The following CHCHD6 variants were observed in gnomAD, a reference collection of about 807,000 sequenced individuals.
CHCHD6 encodes coiled-coil-helix-coiled-coil-helix domain containing 6.
CHCHD6 carries 28 observed loss-of-function variants against 32.3 expected under a neutral mutation model. That is an observed-to-expected ratio of 0.87 (90% CI 0.64 to 1.19). The LOEUF is 1.19. Ranked by LOEUF, CHCHD6 falls within the 50% of genes most tolerant of loss-of-function variation. The probability of loss-of-function intolerance (pLI) is 0.00; values close to 1 mark genes in which losing one functional copy is unlikely to be tolerated. For synonymous variants in CHCHD6, 122 were observed against 117.5 expected, an observed-to-expected ratio of 1.04 and a Z score of -0.25; for missense variants, 333 against 307.0, an observed-to-expected ratio of 1.08 and a Z score of -0.63.
At chr3:126,913,207 C>CTTTTTTTTTTTTTTTTTTT (rs546179022) in intron 5 of CHCHD6, among the ~76,000 whole-genome samples, 2 of 33,786 alleles carry the variant, frequency 5.9e-5, no homozygotes, top group African/African-American at 1.3e-4. Context: ...CCGTATGAGC[C>CTTTTTTTTTTTTTTTTTTT]TTTTTTTTTT....
At chr3:126,806,154 G>GT (rs1232588811) in intron 4 of CHCHD6, among the ~76,000 whole-genome samples, 1 of 152,034 alleles carries the variant, frequency 6.6e-6, no homozygotes, top group East Asian at 1.9e-4. Flanking sequence ...AGGACTTCAT[G>GT]TCTAAAACAC....
chr3:126,931,978 G>A (rs755446203), intron 6 of CHCHD6, among the ~76,000 whole-genome samples: 7 of 152,184 alleles, frequency 4.6e-5, no homozygotes, highest in Non-Finnish European at 1.0e-4. Flanking sequence ...GGCTGGAAGC[G>A]GCAGAGCCAG....
intron 4 of CHCHD6, among the ~76,000 whole-genome samples, chr3:126,788,182 AT>A (rs1938325134): frequency 6.6e-6 from 1 of 152,130 alleles, no homozygotes; most frequent in African/African-American, 2.4e-5. Flanking sequence ...AGCCCACTTG[AT>A]CATGGTGGAT....
intron 5 of CHCHD6, among the ~76,000 whole-genome samples, chr3:126,869,871 A>G (rs998709792): frequency 1.3e-5 from 2 of 152,186 alleles, no homozygotes; most frequent in Non-Finnish European, 2.9e-5. Flanking sequence ...GTACTTATTT[A>G]TTACCAATTA....
intron 6 of CHCHD6, 112 bp downstream of exon 6, chr3:126,914,862 A>C: frequency 1.4e-6 from 1 of 702,408 alleles, no homozygotes; most frequent in Non-Finnish European, 2.6e-6. Context: ...CTAATAATAC[A>C]CACAACCATC....
chr3:126,763,865 T>C (rs931450341), intron 4 of CHCHD6, among the ~76,000 whole-genome samples: 8 of 152,288 alleles, frequency 5.3e-5, no homozygotes, highest in African/African-American at 1.7e-4. Context: ...TGTGGGATGA[T>C]GCAAAAGTTT....
intron 4 of CHCHD6, among the ~76,000 whole-genome samples, chr3:126,850,365 A>G (rs915416998): frequency 5.3e-5 from 8 of 152,246 alleles, no homozygotes; most frequent in African/African-American, 1.9e-4. Flanking sequence ...GTAGGCCTTG[A>G]TGTCCTCAAC....
At chr3:126,946,771 T>C (rs2107605709) in intron 6 of CHCHD6, among the ~76,000 whole-genome samples, 1 of 152,342 alleles carries the variant, frequency 6.6e-6, no homozygotes, top group African/African-American at 2.4e-5. Context: ...AGATTGGACC[T>C]GACCAAGATG....
chr3:126,932,186 C>T (rs905668726), intron 6 of CHCHD6, among the ~76,000 whole-genome samples: 2 of 152,216 alleles, frequency 1.3e-5, no homozygotes, highest in African/African-American at 4.8e-5. Flanking sequence ...CCCGTAGCAC[C>T]TCTCGGTAGC....
intron 4 of CHCHD6, among the ~76,000 whole-genome samples, chr3:126,781,008 T>G (rs918933845): frequency 6.6e-6 from 1 of 152,108 alleles, no homozygotes; most frequent in South Asian, 2.1e-4. Flanking sequence ...ACATGTCTCA[T>G]TGGCTGGAGC....
At chr3:126,737,392 A>G (rs868833879) in intron 4 of CHCHD6, among the ~76,000 whole-genome samples, 36 of 102,942 alleles carry the variant, frequency 3.5e-4, no homozygotes, top group Admixed American at 1.0e-3. Flanking sequence ...ATGTGTGAGT[A>G]TATATATATA....
intron 6 of CHCHD6, among the ~76,000 whole-genome samples, chr3:126,930,313 C>T (rs1185852170): frequency 1.3e-5 from 2 of 152,212 alleles, no homozygotes; most frequent in Non-Finnish European, 2.9e-5. Flanking sequence ...TTGAAAATCC[C>T]GACATTGAAG....
chr3:126,780,858 A>G (rs1048255611), intron 4 of CHCHD6, among the ~76,000 whole-genome samples: 4 of 152,178 alleles, frequency 2.6e-5, no homozygotes, highest in African/African-American at 9.7e-5. Context: ...ACGAATGCTG[A>G]TATAGTGTGC....
At chr3:126,885,310 G>A (rs2077664439) in intron 5 of CHCHD6, among the ~76,000 whole-genome samples, 1 of 152,176 alleles carries the variant, frequency 6.6e-6, no homozygotes, top group Non-Finnish European at 1.5e-5. Flanking sequence ...TCAGAGTTGT[G>A]ACTTTCAGAT....
intron 5 of CHCHD6, among the ~76,000 whole-genome samples, chr3:126,898,523 G>GTTAGT (rs1553754463): frequency 1.1e-3 from 162 of 152,182 alleles, no homozygotes; most frequent in South Asian, 3.7e-3. Context: ...TATTTAGTTA[G>GTTAGT]TTAGTTTAGT....
intron 5 of CHCHD6, among the ~76,000 whole-genome samples, chr3:126,886,450 CAG>C (rs1190095462): frequency 2.0e-5 from 3 of 152,198 alleles, no homozygotes; most frequent in African/African-American, 7.2e-5. Flanking sequence ...GGTTATCACT[CAG>C]TAGCCATCTG....
chr3:126,852,853 G>A, intron 5 of CHCHD6, 123 bp downstream of exon 5: 2 of 666,336 alleles, frequency 3.0e-6, no homozygotes, highest in Admixed American at 4.4e-5. Context: ...CCAGATGCCA[G>A]TCACTCCTTG....
intron 4 of CHCHD6, among the ~76,000 whole-genome samples, chr3:126,824,921 C>A (rs1393567250): frequency 6.6e-6 from 1 of 152,056 alleles, no homozygotes; most frequent in East Asian, 1.9e-4. Flanking sequence ...TTTTCTATGT[C>A]ATTGATTTGT....
At chr3:126,893,978 G>A (rs908040074) in intron 5 of CHCHD6, among the ~76,000 whole-genome samples, 1 of 152,246 alleles carries the variant, frequency 6.6e-6, no homozygotes, top group Non-Finnish European at 1.5e-5. Context: ...CTGTGCTGCT[G>A]AGAGGGCTGC....
Sources: allele counts gnomAD v4.1 joint callset (sites outside exome capture counted in the v4.1 genomes callset), GRCh38; gene constraint gnomAD v4.1.1; transcripts MANE v1.5; gene names NCBI Gene and HGNC (gene_info 2026-07-23, HGNC 2026-07-21).